Variants in NSD3 observed in about 807,000 individuals in gnomAD.
The protein encoded by NSD3 is histone-lysine N-methyltransferase NSD3.
Under a neutral mutation model 160.8 loss-of-function variants are expected in NSD3, and 24 were observed. The observed-to-expected ratio is 0.15, with a 90% CI of 0.11 to 0.21. The LOEUF (loss-of-function observed/expected upper bound fraction) is 0.21. NSD3 is among the 10% of genes least tolerant of loss of function. The pLI is 1.00. For synonymous variants in NSD3, 520 were observed against 600.0 expected (o/e 0.87, Z 1.95); for missense variants, 1,157 against 1,735.9 (o/e 0.67, Z 5.93).
chr8:38,347,400 A>G, intron 2 of NSD3, 97 bp downstream of exon 2: 13 of 1,300,832 alleles, frequency 1.0e-5, no homozygotes, highest in Non-Finnish European at 1.4e-5. Context: ...GTTATCAGAC[A>G]GATTCATATT....
In NSD3 at chr8:38,331,453, C is replaced by G; in HGVS notation, c.1043G>C (p.Ser348Thr). ...TACCTTTTGTTTCTCAGAGTGATTG[C>G]TGGCTTGTTTGGTTGCCTCAGCCAG... ...ELLAEATKQA[S>T]NHSEKQKIRK... The change falls in exon 5 of 24, where the codon AGC becomes ACC. Residue 348 changes from serine (S) to threonine (T), a missense_variant. This residue lies in a region of NSD3 where 168 missense variants were observed against 208.1 expected (regional missense o/e 0.81). Coordinates refer to ENST00000317025, the MANE Select transcript of NSD3 (RefSeq NM_023034.2). 6.2e-7 allele frequency: 1 copy of G among 1,605,030 alleles called. No individual in the cohort carries two copies. The highest frequency in any genetic ancestry group is 1.1e-5 in the South Asian group (1 of 88,542).
intron 4 of NSD3, among the ~76,000 whole-genome samples, chr8:38,332,248 G>T (rs918914402): frequency 2.0e-5 from 3 of 151,700 alleles, no homozygotes; most frequent in Admixed American, 2.0e-4. Flanking sequence ...GCCTATGATA[G>T]GTTCTTATTT....
chr8:38,312,169 C>T (rs1029537052), intron 12 of NSD3, among the ~76,000 whole-genome samples: 2 of 152,174 alleles, frequency 1.3e-5, no homozygotes, highest in African/African-American at 2.4e-5. Context: ...GCCAGTATCA[C>T]ACTGTTTTGA....
chr8:38,278,404 A>G lies in NSD3; in HGVS notation c.3769T>C (p.Leu1257=). Residue 1257 remains leucine, a synonymous_variant, in exon 22 of 24, where the codon TTA becomes CTA. Coordinates refer to ENST00000317025, the MANE Select transcript of NSD3 (RefSeq NM_023034.2). ...CAATCTAGGTTATAATTAAATGTTA[A>G]CTCCATCCCTGAAACACAGGAGAAA... ...ALCDIPAGME[L]TFNYNLDCLG... is the part of the protein sequence containing the mutation. The G allele has an allele frequency of 1.2e-6, 2 of 1,611,948 alleles. No homozygotes were observed. Among genetic ancestry groups the G allele is most frequent in the Non-Finnish European group, 1.7e-6 (2 of 1,178,990 alleles).
intron 19 of NSD3, among the ~76,000 whole-genome samples, chr8:38,284,492 G>A (rs547430834): frequency 1.3e-5 from 2 of 152,314 alleles, no homozygotes; most frequent in South Asian, 2.1e-4. Context: ...GGATTCAAGC[G>A]ATTCTCCTGC....
chr8:38,297,057 G>C (rs1396372603), intron 15 of NSD3, among the ~76,000 whole-genome samples: 1 of 152,134 alleles, frequency 6.6e-6, no homozygotes, highest in Non-Finnish European at 1.5e-5. Flanking sequence ...GTAATTGTTA[G>C]ATTTTCTGAA....
intron 6 of NSD3, among the ~76,000 whole-genome samples, chr8:38,327,994 G>T (rs1186239822): frequency 6.6e-6 from 1 of 152,162 alleles, no homozygotes; most frequent in Non-Finnish European, 1.5e-5. Flanking sequence ...TAGAGGCCAG[G>T]AGTTCAAGAC....
At chr8:38,304,469 A>T (rs988563661) in intron 14 of NSD3, 118 bp downstream of exon 14, 11 of 925,130 alleles carry the variant, frequency 1.2e-5, no homozygotes, top group African/African-American at 3.3e-5. Context: ...GGAATTCTGC[A>T]CTGGGTAGGA....
chr8:38,329,312 T>A lies in NSD3; in HGVS notation c.1581+66A>T. The A allele has an allele frequency of 6.5e-7, 1 of 1,530,302 alleles. No individual in the cohort carries two copies. The highest frequency in any genetic ancestry group is 8.8e-7 in the Non-Finnish European group (1 of 1,134,400). The allele number at this position is 1,530,302 out of a possible 1,614,324, so 94.8% of individuals were successfully genotyped here. A position where few individuals can be genotyped will look rare whatever the true frequency, so the allele number is the denominator to read the frequency against. On this transcript the variant is annotated intron_variant, in intron 6 of 23. Coordinates refer to ENST00000317025, the MANE Select transcript of NSD3 (RefSeq NM_023034.2). This position sits in a 1 kb window ranked among gnomAD's most constrained non-coding sequence, Gnocchi z 4.8. ...TTAAATTATGCCAAGGTCATTGTTT[T>A]AAATGCCAAGGTTGACCACTTTTAA...
intron 12 of NSD3, 108 bp from the exon 13 acceptor site, chr8:38,305,553 A>G: frequency 1.1e-6 from 1 of 943,160 alleles, no homozygotes; most frequent in Non-Finnish European, 1.5e-6. Context: ...CTCTATTACT[A>G]TACTTAAGAA....
intron 12 of NSD3, among the ~76,000 whole-genome samples, chr8:38,307,519 T>C (rs1024713970): frequency 7.2e-5 from 11 of 152,202 alleles, no homozygotes; most frequent in South Asian, 4.1e-4. Flanking sequence ...GCCTGAAACA[T>C]TGTTTGTAAT....
intron 1 of NSD3, among the ~76,000 whole-genome samples, chr8:38,371,559 A>C (rs147712036): frequency 6.6e-6 from 1 of 152,356 alleles, no homozygotes; most frequent in East Asian, 1.9e-4. Flanking sequence ...AATTAGCAAG[A>C]AATATATTTA....
intron 8 of NSD3, 166 bp downstream of exon 8, chr8:38,320,906 T>C: frequency 2.0e-6 from 1 of 505,150 alleles, no homozygotes; most frequent in East Asian, 3.2e-5. Context: ...ATCACAGGGA[T>C]GGCTGTATTA....
chr8:38,360,974 T>C (rs985156148), intron 1 of NSD3, among the ~76,000 whole-genome samples: 3 of 152,188 alleles, frequency 2.0e-5, no homozygotes, highest in African/African-American at 7.2e-5. Context: ...ATTTAGTTAT[T>C]AAATAACGAA....
chr8:38,325,530 A>G (rs1035047638), intron 7 of NSD3, among the ~76,000 whole-genome samples: 3 of 152,174 alleles, frequency 2.0e-5, no homozygotes, highest in Admixed American at 2.0e-4. Context: ...AACCAAACCC[A>G]CCAGACATTC....
At chr8:38,379,941 T>G (rs2150399681) in intron 1 of NSD3, among the ~76,000 whole-genome samples, 1 of 152,374 alleles carries the variant, frequency 6.6e-6, no homozygotes, top group Admixed American at 6.5e-5. Context: ...AGAATAGTAA[T>G]TATTTCAAAT....
At chr8:38,283,504 C>T (rs1351450333) in intron 19 of NSD3, among the ~76,000 whole-genome samples, 3 of 148,526 alleles carry the variant, frequency 2.0e-5, no homozygotes, top group Non-Finnish European at 4.4e-5. Context: ...AGAAGTACTG[C>T]ATCACGTTTT....
rs1808561107 is a variant in NSD3 at position 38,274,877 on chromosome 8, A to G, written c.*764T>C. The G allele has an allele frequency of 1.1e-5, 2 of 182,418 alleles. No individual in the cohort carries two copies. Among genetic ancestry groups the G allele is most frequent in the African/African-American group, 2.3e-5 (1 of 42,676 alleles). 11.3% of individuals were successfully genotyped at this position (182,418 alleles called of 1,614,324 possible). A position where few individuals can be genotyped will look rare whatever the true frequency, so the allele number is the denominator to read the frequency against. On this transcript the variant is annotated 3_prime_UTR_variant, in exon 24 of 24. Transcript: ENST00000317025. Reference sequence around the variant, plus strand: ...TCCAAAACCCAAACCATCCATGTCAATGGAAAACGTTTTAAAAATCAGTGA... The same window carrying G: ...TCCAAAACCCAAACCATCCATGTCAGTGGAAAACGTTTTAAAAATCAGTGA...
At chr8:38,364,372 G>A (rs1811059864) in intron 1 of NSD3, among the ~76,000 whole-genome samples, 1 of 152,212 alleles carries the variant, frequency 6.6e-6, no homozygotes, top group Non-Finnish European at 1.5e-5. Context: ...GCATGATGAT[G>A]TGACCTACAA....
Sources: allele counts gnomAD v4.1 joint callset (sites outside exome capture counted in the v4.1 genomes callset), GRCh38; gene constraint gnomAD v4.1.1; regional missense constraint gnomAD v4.1.1; non-coding constraint Gnocchi (gnomAD v3.1); transcripts MANE v1.5; gene names NCBI Gene and HGNC (gene_info 2026-07-23, HGNC 2026-07-21).